Variants in ANTXR2 observed in about 807,000 individuals in gnomAD.
ANTXR2 encodes the protein anthrax toxin receptor 2.
ANTXR2 carries 44 observed loss-of-function variants against 73.7 expected under a neutral mutation model. The ratio of observed to expected loss-of-function variants is 0.60; its 90% confidence interval spans 0.47 to 0.77. ANTXR2 has a LOEUF of 0.77. Among genes scored for constraint, ANTXR2 ranks in the 30% least tolerant of loss-of-function variants. ANTXR2 has a pLI of 0.00. For synonymous variants in ANTXR2, 217 were observed against 205.9 expected, an observed-to-expected ratio of 1.05 and a Z score of -0.46; for missense variants, 604 against 592.5, an observed-to-expected ratio of 1.02 and a Z score of -0.20.
chr4:80,046,905 AT>A (rs947233349), intron 7 of ANTXR2, among the ~76,000 whole-genome samples: 63 of 151,816 alleles, frequency 4.1e-4, no homozygotes, highest in Middle Eastern at 3.4e-3. Context: ...GAAATTGTAC[AT>A]TTTTCCTCAT....
chr4:79,918,500 A>G (rs1727442827), intron 16 of ANTXR2, among the ~76,000 whole-genome samples: 1 of 152,126 alleles, frequency 6.6e-6, no homozygotes, highest in African/African-American at 2.4e-5. Flanking sequence ...GGTGATAAGC[A>G]CGACAGTTGA....
rs147993224 is a variant in ANTXR2, at chr4:80,039,556, G to A, written c.637-3524C>T. Among the ~76,000 whole-genome samples, 6 of 152,154 alleles carry A rather than the reference G, an allele frequency of 3.9e-5. No individual in the cohort carries two copies. In the East Asian group the frequency reaches 1.2e-3, roughly 29 times the overall value. ...AAATGCACAACGTTGCTAATCACTA[G>A]AGAAATGCAAATTAAAACCAAAATG... On this transcript the variant is annotated intron_variant, in intron 7 of 16. Coordinates refer to ENST00000403729, the MANE Select transcript of ANTXR2 (RefSeq NM_058172.6).
chr4:80,066,026 T>C (rs921706694), intron 3 of ANTXR2, among the ~76,000 whole-genome samples: 5 of 152,202 alleles, frequency 3.3e-5, no homozygotes, highest in African/African-American at 1.2e-4. Context: ...CTGCATATAA[T>C]ATGCAAATTG....
chr4:80,055,578 C>G, intron 4 of ANTXR2, 111 bp from the exon 5 acceptor site: 1 of 863,704 alleles, frequency 1.2e-6, no homozygotes, highest in Non-Finnish European at 1.8e-6. Context: ...TACTGGCTAG[C>G]TTTTAAAACA....
chr4:79,927,089 C>T (rs1361966975), intron 16 of ANTXR2, among the ~76,000 whole-genome samples: 1 of 147,350 alleles, frequency 6.8e-6, no homozygotes, highest in Non-Finnish European at 1.5e-5. Flanking sequence ...GAATATTATT[C>T]AGCCTTAAAA....
At chr4:80,018,785 A>G (rs1168031057) in intron 11 of ANTXR2, 113 bp downstream of exon 11, 6 of 898,740 alleles carry the variant, frequency 6.7e-6, no homozygotes, top group African/African-American at 1.8e-5. Flanking sequence ...ATGGTCTCCA[A>G]TGTTATTGTT....
At chr4:80,012,271 A>T (rs1468845353) in intron 11 of ANTXR2, among the ~76,000 whole-genome samples, 2 of 152,180 alleles carry the variant, frequency 1.3e-5, no homozygotes, top group African/African-American at 4.8e-5. Context: ...TGATATCAGG[A>T]ATTAGGAAAC....
intron 7 of ANTXR2, among the ~76,000 whole-genome samples, chr4:80,049,263 T>G (rs980013510): frequency 2.0e-5 from 3 of 151,790 alleles, no homozygotes; most frequent in Non-Finnish European, 4.4e-5. Flanking sequence ...ATTTTTAATG[T>G]TATCTTCCAT....
chr4:80,049,233 C>T (rs1222688529), intron 7 of ANTXR2, among the ~76,000 whole-genome samples: 1 of 151,732 alleles, frequency 6.6e-6, no homozygotes, highest in Admixed American at 6.6e-5. Flanking sequence ...ATATTATTCA[C>T]CAATCTGTGG....
rs188833253 is a variant in ANTXR2, at chr4:79,974,103, T to C, written c.1428+3518A>G. On this transcript the variant is annotated intron_variant, in intron 16 of 16. Transcript: ENST00000403729. ...CATGTAGTAAACTGAGTTTGTACTT[T>C]TGGGTAGGTTCCTAGCTTTAACATA... Among the ~76,000 whole-genome samples the C allele has an allele frequency of 4.1e-4, 63 of 152,278 alleles. 1 individual carries two copies. The highest frequency in any genetic ancestry group is 8.8e-5 in the Non-Finnish European group (6 of 68,016).
chr4:79,981,302 A>G (rs1050697734), intron 14 of ANTXR2, among the ~76,000 whole-genome samples: 1 of 152,206 alleles, frequency 6.6e-6, no homozygotes, highest in East Asian at 1.9e-4. Context: ...TGAAGTGCCA[A>G]CTTAACAGCA....
At position 79,903,245 on chromosome 4, in the gene ANTXR2, A is replaced by G. The variant is rs1436441670; in HGVS notation, c.*4184T>C. The G allele has an allele frequency of 6.6e-6, 1 of 152,096 alleles. No homozygotes were observed. The highest frequency in any genetic ancestry group is 2.4e-5 in the African/African-American group (1 of 41,426). The allele number at this position is 152,096 out of a possible 1,614,324, so 9.4% of individuals were successfully genotyped here. ...GTTGAGAGTTGATCTGTTCAACATC[A>G]GCAAGCTAGTTGATGGCTGGGTCTA... On this transcript the variant is annotated 3_prime_UTR_variant, in exon 17 of 17. Coordinates refer to ENST00000403729, the MANE Select transcript of ANTXR2 (RefSeq NM_058172.6).
intron 9 of ANTXR2, among the ~76,000 whole-genome samples, chr4:80,032,012 T>C (rs1189875049): frequency 6.6e-6 from 1 of 151,742 alleles, no homozygotes; most frequent in Non-Finnish European, 1.5e-5. Context: ...AAATGCTCCG[T>C]ATTATTTTAA....
chr4:79,977,933 G>T, intron 15 of ANTXR2, 74 bp downstream of exon 15: 1 of 1,465,788 alleles, frequency 6.8e-7, no homozygotes, highest in South Asian at 1.4e-5. Flanking sequence ...AAGTAGCTGG[G>T]GGGATGTGGT....
chr4:80,072,544 G>A lies in ANTXR2; in HGVS notation c.17C>T (p.Ser6Phe), dbSNP rs1734857572. The A allele has an allele frequency of 6.3e-7, 1 of 1,579,746 alleles. No individual in the cohort carries two copies. Among genetic ancestry groups the A allele is most frequent in the Non-Finnish European group, 8.6e-7 (1 of 1,164,470 alleles). ...CCAGCTCCCGGGGCTGCGGGCCGGG[G>A]ACCGCTCCGCCACCATCCTGCGGCC... Reference protein sequence around the residue: MVAERSPARSPGSWLF... With the variant: MVAERFPARSPGSWLF... The change falls in exon 1 of 17, where the codon TCC becomes TTC. Residue 6 changes from serine to phenylalanine, a missense_variant. Coordinates refer to ENST00000403729, the MANE Select transcript of ANTXR2 (RefSeq NM_058172.6).
At chr4:80,014,108 C>T (rs1332010450) in intron 11 of ANTXR2, among the ~76,000 whole-genome samples, 1 of 152,154 alleles carries the variant, frequency 6.6e-6, no homozygotes, top group Non-Finnish European at 1.5e-5. Context: ...CACTCGGTGT[C>T]TGGTCTTCCC....
chr4:79,976,489 T>A (rs1729643034), intron 16 of ANTXR2, among the ~76,000 whole-genome samples: 1 of 150,262 alleles, frequency 6.7e-6, no homozygotes, highest in African/African-American at 2.5e-5. Flanking sequence ...TACCACCACT[T>A]TCCATGACAA....
chr4:79,954,627 T>G (rs1439058625), intron 16 of ANTXR2, among the ~76,000 whole-genome samples: 1 of 152,074 alleles, frequency 6.6e-6, no homozygotes, highest in Non-Finnish European at 1.5e-5. Flanking sequence ...AGAATGAATT[T>G]GTGATTGAAA....
intron 3 of ANTXR2, among the ~76,000 whole-genome samples, chr4:80,062,774 G>A (rs1389595568): frequency 1.3e-5 from 2 of 152,208 alleles, no homozygotes; most frequent in African/African-American, 4.8e-5. Flanking sequence ...AATACAGTGC[G>A]GTGGTGAAGT....
Sources: gnomAD v4.1 joint callset for allele counts (sites outside exome capture counted in the v4.1 genomes callset) on GRCh38, gnomAD v4.1.1 for gene constraint, MANE v1.5 for transcripts, NCBI Gene and HGNC (gene_info 2026-07-23, HGNC 2026-07-21) for gene names.